Variants in SLC25A21 observed in about 807,000 individuals in gnomAD.
The protein encoded by SLC25A21 is mitochondrial 2-oxodicarboxylate carrier.
Under a neutral mutation model 43.8 loss-of-function variants are expected in SLC25A21, and 47 were observed. The ratio of observed to expected loss-of-function variants is 1.07; its 90% CI spans 0.85 to 1.37. SLC25A21 has a LOEUF of 1.37. Among genes scored for constraint, SLC25A21 ranks in the 40% most tolerant of loss-of-function variants. SLC25A21 has a pLI of 0.00. For synonymous variants in SLC25A21, 131 were observed against 121.3 expected (o/e 1.08, Z -0.52); for missense variants, 352 against 350.2 (o/e 1.00, Z -0.04).
intron 7 of SLC25A21, among the ~76,000 whole-genome samples, chr14:36,707,345 T>G (rs74976096): frequency 0.017 from 2,517 of 152,308 alleles, 88 homozygotes; most frequent in African/African-American, 0.058. Flanking sequence ...CTGGGACAGC[T>G]TCTCATTATT....
At chr14:36,940,111 T>G (rs748432488) in intron 1 of SLC25A21, among the ~76,000 whole-genome samples, 4 of 152,154 alleles carry the variant, frequency 2.6e-5, no homozygotes, top group Non-Finnish European at 5.9e-5. Context: ...AACTGCGTAT[T>G]GCAAAGTTTC....
At chr14:36,902,393 G>T (rs1400142142) in intron 1 of SLC25A21, among the ~76,000 whole-genome samples, 2 of 152,024 alleles carry the variant, frequency 1.3e-5, no homozygotes, top group Non-Finnish European at 2.9e-5. Flanking sequence ...CTGGTGGCTA[G>T]TGTCTCAACT....
intron 7 of SLC25A21, among the ~76,000 whole-genome samples, chr14:36,693,211 C>T (rs1882868129): frequency 6.6e-6 from 1 of 152,152 alleles, no homozygotes; most frequent in African/African-American, 2.4e-5. Context: ...TTTAAAATTT[C>T]CCATTTTATC....
At chr14:36,880,855 A>G (rs557972059) in intron 1 of SLC25A21, among the ~76,000 whole-genome samples, 1 of 152,160 alleles carries the variant, frequency 6.6e-6, no homozygotes, top group Admixed American at 6.6e-5. Flanking sequence ...ATCAGCATCT[A>G]ATAGACTGAC....
chr14:36,958,571 T>C (rs1959400396), intron 1 of SLC25A21, among the ~76,000 whole-genome samples: 1 of 152,148 alleles, frequency 6.6e-6, no homozygotes, highest in South Asian at 2.1e-4. Flanking sequence ...GAAACTAGCC[T>C]TGTCCCCAGG....
chr14:36,713,839 C>T (rs537279320), intron 6 of SLC25A21, among the ~76,000 whole-genome samples: 1 of 152,030 alleles, frequency 6.6e-6, no homozygotes, highest in Non-Finnish European at 1.5e-5. Context: ...AAAAAATTAG[C>T]CAGGTGCTGT....
rs1210074334 is a variant in SLC25A21, at chr14:37,059,559, A to G, written c.70+112722T>C. Reference sequence around the variant, plus strand: ...TATAAAGGAGAATTGGGTTTTTTTAAATACAGTGTTAATTCCATTTGGGAA... The same window carrying G: ...TATAAAGGAGAATTGGGTTTTTTTAGATACAGTGTTAATTCCATTTGGGAA... On this transcript the variant is annotated intron_variant, in intron 1 of 9. Transcript: ENST00000331299. Among the ~76,000 whole-genome samples the G allele has an allele frequency of 3.3e-5, 5 of 152,276 alleles. No individual in the cohort carries two copies. The East Asian group carries it at 9.7e-4, about 29-fold the overall frequency.
At chr14:36,913,510 A>G (rs1225544031) in intron 1 of SLC25A21, among the ~76,000 whole-genome samples, 1 of 152,202 alleles carries the variant, frequency 6.6e-6, no homozygotes, top group African/African-American at 2.4e-5. Flanking sequence ...TCCTGAGCTC[A>G]AGTGATCTTC....
chr14:37,078,892 C>A lies in SLC25A21; in HGVS notation c.70+93389G>T. Among the ~76,000 whole-genome samples, 2 of 150,340 alleles carry A rather than the reference C, an allele frequency of 1.3e-5. 1 individual carries two copies. The highest frequency in any genetic ancestry group is 3.0e-5 in the Non-Finnish European group (2 of 67,784). ...TTTAAAATGGTTTGCATTCGAGAAT[C>A]AATTTAACCACAACAGAACAGACTA... On this transcript the variant is annotated intron_variant, in intron 1 of 9. Coordinates refer to ENST00000331299, the MANE Select transcript of SLC25A21 (RefSeq NM_030631.4).
In SLC25A21 at chr14:36,860,783, G is replaced by C. The variant is rs571923711; in HGVS notation, c.119+14173C>G. Among the ~76,000 whole-genome samples, 4 of 152,302 alleles carry C rather than the reference G, an allele frequency of 2.6e-5. No homozygotes were observed. In the South Asian group the frequency reaches 6.2e-4, roughly 24 times the overall value. ...TTTTCTGAGAGTATTTGGAAGTACT[G>C]AGTTGGATCATATAATGAGAAGTTC... is the stretch of plus-strand genomic sequence containing the variant. On this transcript the variant is annotated intron_variant, in intron 2 of 9. Transcript: ENST00000331299.
chr14:36,921,624 C>G (rs531033380), intron 1 of SLC25A21, among the ~76,000 whole-genome samples: 1 of 152,174 alleles, frequency 6.6e-6, no homozygotes, highest in Non-Finnish European at 1.5e-5. Flanking sequence ...ATTCAAAAGA[C>G]AGCAAAACTA....
intron 1 of SLC25A21, among the ~76,000 whole-genome samples, chr14:37,016,733 C>A (rs906936256): frequency 1.3e-5 from 2 of 152,084 alleles, no homozygotes; most frequent in Non-Finnish European, 2.9e-5. Context: ...TCATCTACAT[C>A]GAAAATCTAT....
intron 1 of SLC25A21, among the ~76,000 whole-genome samples, chr14:36,974,611 C>T (rs1387915446): frequency 6.6e-6 from 1 of 152,154 alleles, no homozygotes; most frequent in Non-Finnish European, 1.5e-5. Context: ...TCAGTAGTTG[C>T]ATGAAATTCA....
Position 36,734,502 on chromosome 14 carries a change from C to T in SLC25A21, c.270+5G>A, listed in dbSNP as rs1312197133. On this transcript the variant is annotated splice_donor_5th_base_variant and intron_variant, in intron 4 of 9. Transcript: ENST00000331299. ...TTGCTTGGTGCGAACGCATGCAATGCTTACCTTCACTGCTCTTTTTGGGGT... is the reference window on the plus strand; with the variant it reads ...TTGCTTGGTGCGAACGCATGCAATGTTTACCTTCACTGCTCTTTTTGGGGT... The T allele has an allele frequency of 6.2e-7, 1 of 1,604,788 alleles. No homozygotes were observed. Among genetic ancestry groups the T allele is most frequent in the South Asian group, 1.1e-5 (1 of 89,132 alleles).
In SLC25A21 at chr14:36,678,430, G is replaced by C. The variant is rs955257035; in HGVS notation, c.*2228C>G. On this transcript the variant is annotated 3_prime_UTR_variant, in exon 10 of 10. Coordinates refer to ENST00000331299, the MANE Select transcript of SLC25A21 (RefSeq NM_030631.4). ...CAGAAGGAGCAGATGAACTCTCAGG[G>C]CCATAGTCTTCCTTTGATCTTGTAA... 1.4e-6 allele frequency: 2 copies of C among 1,385,514 alleles called. No homozygotes were observed. The highest frequency in any genetic ancestry group is 2.9e-5 in the African/African-American group (2 of 69,922). 85.8% of individuals were successfully genotyped at this position (1,385,514 alleles called of 1,614,324 possible). A position where few individuals can be genotyped will look rare whatever the true frequency, so the allele number is the denominator to read the frequency against.
rs144911064 is a variant in SLC25A21 at position 36,981,245 on chromosome 14, G to A, written c.71-106241C>T. On this transcript the variant is annotated intron_variant, in intron 1 of 9. Transcript: ENST00000331299. ...ACGCTTTTACACTGCTCTTGGGACT[G>A]TAAACTAGTTCAATCACTGTGGAAG... Among the ~76,000 whole-genome samples the A allele has an allele frequency of 1.9e-3, 290 of 152,336 alleles. 1 individual carries two copies. Among genetic ancestry groups the A allele is most frequent in the African/African-American group, 6.3e-3 (264 of 41,578 alleles).
chr14:36,764,006 G>A (rs1436421720), intron 3 of SLC25A21, among the ~76,000 whole-genome samples: 1 of 140,848 alleles, frequency 7.1e-6, no homozygotes, highest in Non-Finnish European at 1.5e-5. Flanking sequence ...TCTAGCCTGG[G>A]TGACAGAGCA....
At chr14:36,958,679 G>GCA (rs71124786) in intron 1 of SLC25A21, among the ~76,000 whole-genome samples, 2,735 of 136,930 alleles carry the variant, frequency 0.02, 29 homozygotes, top group South Asian at 0.042. Flanking sequence ...AAGCACACGT[G>GCA]CACACACACA....
chr14:36,943,623 G>A (rs1300487522), intron 1 of SLC25A21, among the ~76,000 whole-genome samples: 1 of 152,164 alleles, frequency 6.6e-6, no homozygotes, highest in African/African-American at 2.4e-5. Context: ...GCTGCTATAT[G>A]TAAGACCAAG....
Sources: allele counts gnomAD v4.1 joint callset (sites outside exome capture counted in the v4.1 genomes callset), GRCh38; gene constraint gnomAD v4.1.1; transcripts MANE v1.5; gene names NCBI Gene and HGNC (gene_info 2026-07-23, HGNC 2026-07-21).